Variants in THAP12 observed in about 807,000 individuals in gnomAD.
THAP12 encodes the protein THAP domain containing 12, also known as 52 kDa repressor of the inhibitor of the protein kinase.
In THAP12, 20 loss-of-function variants were observed where a neutral mutation model predicts 63.0. The observed-to-expected ratio is 0.32, with a 90% CI of 0.22 to 0.46. The LOEUF (loss-of-function observed/expected upper bound fraction) is 0.46, where lower values mean the gene tolerates loss of function less well. Among genes scored for constraint, THAP12 ranks in the 20% least tolerant of loss-of-function variants. The pLI is 1.00. For synonymous variants in THAP12, 264 were observed against 328.4 expected (o/e 0.80, Z 2.12); for missense variants, 568 against 908.2 (o/e 0.63, Z 4.81).
chr11:76,369,567 C>T (rs1250984772), intron 1 of THAP12, among the ~76,000 whole-genome samples: 1 of 152,244 alleles, frequency 6.6e-6, no homozygotes, highest in African/African-American at 2.4e-5. Flanking sequence ...GTTCCATACA[C>T]AGAAATAAAA....
At chr11:76,368,725 A>AT (rs1486203971) in intron 1 of THAP12, 1 of 152,220 alleles carries the variant, frequency 6.6e-6, no homozygotes, top group Admixed American at 6.5e-5. Flanking sequence ...GAAAAAAATA[A>AT]ATCTTAACTC....
chr11:76,370,290 T>A (rs1946661750), intron 1 of THAP12, among the ~76,000 whole-genome samples: 1 of 152,098 alleles, frequency 6.6e-6, no homozygotes, highest in African/African-American at 2.4e-5. Flanking sequence ...CCGGTGAAAT[T>A]TTCATGGATA....
chr11:76,353,906 G>A (rs1385511855), intron 4 of THAP12, among the ~76,000 whole-genome samples: 1 of 152,216 alleles, frequency 6.6e-6, no homozygotes, highest in Non-Finnish European at 1.5e-5. Flanking sequence ...CTACTCGGGA[G>A]GCTGAGGCAG....
At chr11:76,358,140 G>C (rs2048720739) in intron 3 of THAP12, 1 of 149,730 alleles carries the variant, frequency 6.7e-6, no homozygotes, top group African/African-American at 2.5e-5. Flanking sequence ...GTTTTACCAA[G>C]TTCTACCTTA....
chr11:76,368,733 C>G (rs985825528), intron 1 of THAP12: 11 of 152,140 alleles, frequency 7.2e-5, no homozygotes, highest in African/African-American at 2.7e-4. Flanking sequence ...TAAATCTTAA[C>G]TCCTACTTGT....
intron 3 of THAP12, chr11:76,357,098 T>C (rs954109719): frequency 6.6e-6 from 1 of 152,056 alleles, no homozygotes; most frequent in Admixed American, 6.6e-5. Flanking sequence ...CAGATTTTTG[T>C]TCTTGTCATT....
chr11:76,374,387 A>T (rs1178778814), intron 1 of THAP12, among the ~76,000 whole-genome samples: 3 of 11,314 alleles, frequency 2.7e-4, no homozygotes, highest in African/African-American at 2.6e-3. Context: ...TTCATTATAC[A>T]AAAAAAAAAA....
intron 1 of THAP12, among the ~76,000 whole-genome samples, chr11:76,376,160 TA>T (rs1946708430): frequency 6.6e-6 from 1 of 152,220 alleles, no homozygotes; most frequent in African/African-American, 2.4e-5. Flanking sequence ...TGAATGTAAT[TA>T]ACGCCACTGA....
At chr11:76,377,660 T>A (rs1946720615) in intron 1 of THAP12, among the ~76,000 whole-genome samples, 1 of 152,250 alleles carries the variant, frequency 6.6e-6, no homozygotes, top group South Asian at 2.1e-4. Context: ...AAACGTGGCT[T>A]GTTTCTACCT....
intron 1 of THAP12, among the ~76,000 whole-genome samples, chr11:76,375,661 T>C (rs1946704104): frequency 6.7e-6 from 1 of 148,752 alleles, no homozygotes; most frequent in Non-Finnish European, 1.5e-5. Flanking sequence ...TCTTTATTGT[T>C]TGTTAACAAT....
chr11:76,360,062 GAACT>G (rs773611525), intron 3 of THAP12, among the ~76,000 whole-genome samples: 5 of 152,252 alleles, frequency 3.3e-5, no homozygotes, highest in Non-Finnish European at 7.4e-5. Context: ...ACGAAAGGAA[GAACT>G]AACAGACCAT....
At position 76,351,368 on chromosome 11, in the gene THAP12, G is replaced by C. The variant is rs769759619; in HGVS notation, c.1782C>G (p.Phe594Leu). The C allele has an allele frequency of 6.2e-7, 1 of 1,600,244 alleles. No individual in the cohort carries two copies. Among genetic ancestry groups the C allele is most frequent in the Non-Finnish European group, 8.5e-7 (1 of 1,170,050 alleles). Residue 594 changes from phenylalanine (F) to leucine (L), a missense_variant, in exon 5 of 5, where the codon TTC becomes TTG. Phe to Leu is a conservative substitution (Grantham distance 22). Coordinates refer to ENST00000260045, the MANE Select transcript of THAP12 (RefSeq NM_004705.4). ...EHIIQELKDI[F>L]SEQHLKALKC... is the part of the protein sequence containing the mutation. ...TAAGAGCTTTGAGGTGCTGTTCTGA[G>C]AATATATCTTTAAGTTCCTGAATAA...
chr11:76,377,633 T>C (rs914761312), intron 1 of THAP12, among the ~76,000 whole-genome samples: 4 of 152,288 alleles, frequency 2.6e-5, no homozygotes, highest in African/African-American at 9.6e-5. Context: ...ATTTTGTTTA[T>C]CCATTCAAGC....
At chr11:76,356,615 A>T (rs1484178553) in intron 3 of THAP12, 1 of 152,226 alleles carries the variant, frequency 6.6e-6, no homozygotes, top group Non-Finnish European at 1.5e-5. Flanking sequence ...TCTATCTTGA[A>T]CATGTACAGA....
chr11:76,354,947 A>C (rs866856562), intron 4 of THAP12, among the ~76,000 whole-genome samples: 1 of 152,314 alleles, frequency 6.6e-6, no homozygotes. Context: ...ATCCATAAAG[A>C]GGGAAATAAC....
chr11:76,352,284 A>G lies in THAP12; in HGVS notation c.866T>C (p.Leu289Pro). The G allele has an allele frequency of 6.2e-7, 1 of 1,611,836 alleles. No homozygotes were observed. Among genetic ancestry groups the G allele is most frequent in the Non-Finnish European group, 8.5e-7 (1 of 1,179,794 alleles). ...LVRFVDESHN[L>P]REEFIGFLPY... The stretch of plus-strand genomic sequence containing the variant: ...CAGGAAGCCTATAAATTCCTCTCTT[A>G]GGTTATGAGATTCATCAACAAACCT... Residue 289 changes from leucine (L) to proline (P), a missense_variant, in exon 5 of 5, where the codon CTA becomes CCA. By Grantham distance (98) the Leu-to-Pro change is moderately conservative (BLOSUM62 -3). Transcript: ENST00000260045.
In THAP12 at chr11:76,352,712, T is replaced by C. The variant is rs780585103; in HGVS notation, c.438A>G (p.Glu146=). Residue 146 remains glutamate (E), a synonymous_variant, in exon 5 of 5, where the codon GAA becomes GAG. Transcript: ENST00000260045. ...NAQNPSEEEG[E]GQDEDILPLT... ...GAGGTAAAATGTCCTCATCTTGCCCTTCACCCTCTTCTTCGCTGGGGTTCT... is the reference window on the plus strand; with the variant it reads ...GAGGTAAAATGTCCTCATCTTGCCCCTCACCCTCTTCTTCGCTGGGGTTCT... The C allele has an allele frequency of 8.7e-6, 14 of 1,609,022 alleles. No individual in the cohort carries two copies. The highest frequency in any genetic ancestry group is 3.4e-4 in the Middle Eastern group (2 of 5,898).
rs768825166 is a variant in THAP12, at chr11:76,352,414, T to C, written c.736A>G (p.Ile246Val). 16 of 1,611,826 alleles carry C rather than the reference T, an allele frequency of 9.9e-6. No individual in the cohort carries two copies. In the Admixed American group the frequency reaches 1.5e-4, roughly 15 times the overall value. Residue 246 changes from isoleucine to valine, a missense_variant, in exon 5 of 5, where the codon ATT (isoleucine) becomes GTT (valine). By Grantham distance (29) the Ile-to-Val change is conservative. Coordinates refer to ENST00000260045, the MANE Select transcript of THAP12 (RefSeq NM_004705.4). ...RQMLEICESC[I>V]REETLREVRD... ...ACTTCCCTGAGAGTTTCTTCTCGAA[T>C]ACAGCTCTCACAGATCTCTAGCATC...
At chr11:76,367,908 C>T (rs1212582980) in intron 1 of THAP12, among the ~76,000 whole-genome samples, 1 of 152,108 alleles carries the variant, frequency 6.6e-6, no homozygotes, top group African/African-American at 2.4e-5. Flanking sequence ...ATTTGACCAA[C>T]AAGTATTACT....
Sources: allele counts gnomAD v4.1 joint callset (sites outside exome capture counted in the v4.1 genomes callset), GRCh38; gene constraint gnomAD v4.1.1; transcripts MANE v1.5; gene names NCBI Gene and HGNC (gene_info 2026-07-23, HGNC 2026-07-21).